The following GYG1 variants were observed in gnomAD, a reference collection of about 807,000 sequenced individuals.
GYG1 encodes the protein glycogenin-1.
GYG1 carries 44 observed loss-of-function variants against 41.9 expected under a neutral mutation model. The observed-to-expected ratio is 1.05, with a 90% CI of 0.83 to 1.35. The LOEUF (loss-of-function observed/expected upper bound fraction) is 1.35, where lower values mean the gene tolerates loss of function less well. Ranked by LOEUF, GYG1 falls within the 40% of genes most tolerant of loss-of-function variation. GYG1 has a pLI of 0.00. For missense variants in GYG1, 429 were observed against 418.9 expected, an observed-to-expected ratio of 1.02 and a Z score of -0.21; for synonymous variants, 141 against 158.1, an observed-to-expected ratio of 0.89 and a Z score of 0.81.
In GYG1 at chr3:149,007,761, C is replaced by T. The variant is rs541219949; in HGVS notation, c.482-1515C>T. Among the ~76,000 whole-genome samples, 9 of 152,274 alleles carry T rather than the reference C, an allele frequency of 5.9e-5. No homozygotes were observed. The East Asian group carries it at 1.7e-3, about 29-fold the overall frequency. On this transcript the variant is annotated intron_variant, in intron 4 of 7. Coordinates refer to ENST00000345003, the MANE Select transcript of GYG1 (RefSeq NM_004130.4). ...GACTATGCAGTATTCCTGCCTGATG[C>T]TTAGAGCAGGTGTCTGCCTGCCTGC... is the stretch of plus-strand genomic sequence containing the variant.
intron 4 of GYG1, among the ~76,000 whole-genome samples, chr3:148,999,415 A>AAT (rs144939008): frequency 6.6e-6 from 1 of 152,350 alleles, no homozygotes; most frequent in East Asian, 1.9e-4. Context: ...ATGTTGTTTA[A>AAT]ATTCAGCAGA....
At chr3:149,009,862 T>C (rs1359304538) in intron 5 of GYG1, among the ~76,000 whole-genome samples, 1 of 152,200 alleles carries the variant, frequency 6.6e-6, no homozygotes, top group Non-Finnish European at 1.5e-5. Context: ...TGTGCTGCTG[T>C]GGCTAAGAAT....
intron 4 of GYG1, among the ~76,000 whole-genome samples, chr3:148,997,455 G>T (rs1053468033): frequency 7.9e-5 from 12 of 152,144 alleles, no homozygotes; most frequent in African/African-American, 2.9e-4. Flanking sequence ...CCAAAAAGTA[G>T]AACATTGGCA....
chr3:149,008,756 T>C (rs1713551690), intron 4 of GYG1: 1 of 170,260 alleles, frequency 5.9e-6, no homozygotes. Flanking sequence ...CCTAGTACAG[T>C]ATCTGGTACA....
At chr3:148,997,382 G>T (rs1559834962) in intron 4 of GYG1, among the ~76,000 whole-genome samples, 1 of 152,086 alleles carries the variant, frequency 6.6e-6, no homozygotes, top group African/African-American at 2.4e-5. Flanking sequence ...GAAAGTTTGT[G>T]TGAATAATCT....
Position 149,017,002 on chromosome 3 carries a change from A to G in GYG1, c.609-7051A>G, listed in dbSNP as rs150847714. ...CACAAGCAGTGCCGTCTTTCTCGGT[A>G]TCTGACTGAACAATGCACGTAAAGA... On this transcript the variant is annotated intron_variant, in intron 5 of 7. Coordinates refer to ENST00000345003, the MANE Select transcript of GYG1 (RefSeq NM_004130.4). 9.8e-5 allele frequency among the ~76,000 whole-genome samples: 15 copies of G among 152,348 alleles called. No individual in the cohort carries two copies. The East Asian group carries it at 2.3e-3, about 23-fold the overall frequency.
At chr3:148,997,036 G>C in intron 4 of GYG1, 132 bp downstream of exon 4, 1 of 722,654 alleles carries the variant, frequency 1.4e-6, no homozygotes, top group Non-Finnish European at 2.4e-6. Flanking sequence ...ATTTTAAGTT[G>C]TGCTCTTCTG....
intron 4 of GYG1, among the ~76,000 whole-genome samples, chr3:149,006,651 G>C (rs1424890099): frequency 1.3e-5 from 2 of 152,138 alleles, no homozygotes; most frequent in Non-Finnish European, 2.9e-5. Context: ...AGTGACATTT[G>C]AGCTGTTTTC....
At chr3:148,999,529 C>G (rs1040497096) in intron 4 of GYG1, among the ~76,000 whole-genome samples, 6 of 152,194 alleles carry the variant, frequency 3.9e-5, no homozygotes, top group Non-Finnish European at 8.8e-5. Flanking sequence ...GAGGCTGCTT[C>G]TCTCTGGAGG....
At chr3:148,991,905 G>C (rs747883926) in intron 1 of GYG1, among the ~76,000 whole-genome samples, 2 of 152,206 alleles carry the variant, frequency 1.3e-5, no homozygotes, top group African/African-American at 2.4e-5. Flanking sequence ...CCGTCTCCTC[G>C]TCCTTCCTCT....
chr3:149,000,730 T>C (rs1204293234), intron 4 of GYG1, among the ~76,000 whole-genome samples: 1 of 152,238 alleles, frequency 6.6e-6, no homozygotes, highest in East Asian at 1.9e-4. Context: ...AAAAACATCT[T>C]ATACTCATTT....
chr3:149,029,097 T>C lies in GYG1; in HGVS notation c.*2164T>C, dbSNP rs537479939. On this transcript the variant is annotated 3_prime_UTR_variant, in exon 8 of 8. Coordinates refer to ENST00000345003, the MANE Select transcript of GYG1 (RefSeq NM_004130.4). Reference sequence around the variant, plus strand: ...AGAATGACAAGCTTACCATAAGACATAGCATATAATGCTGTCAAGTTATTT... The same window carrying C: ...AGAATGACAAGCTTACCATAAGACACAGCATATAATGCTGTCAAGTTATTT... Among the ~76,000 whole-genome samples, 1 of 152,338 alleles carries C rather than the reference T, an allele frequency of 6.6e-6. No homozygotes were observed. The highest frequency in any genetic ancestry group is 2.1e-4 in the South Asian group (1 of 4,832).
In GYG1 at chr3:148,996,376, C is replaced by A. The variant is rs1712788116; in HGVS notation, c.218C>A (p.Thr73Asn). 1 of 1,612,326 alleles carries A rather than the reference C, an allele frequency of 6.2e-7. No homozygotes were observed. ...GACAGTGGCGATTCTGCTCATCTAA[C>A]CTTAATGAAGAGGCCAGAGTTGGGT... is the stretch of plus-strand genomic sequence containing the variant. The part of the protein sequence containing the change: ...VLDSGDSAHL[T>N]LMKRPELGVT... Residue 73 changes from threonine to asparagine, a missense_variant, in exon 3 of 8, where the codon ACC becomes AAC. Thr to Asn is a moderately conservative substitution (Grantham distance 65). Coordinates refer to ENST00000345003, the MANE Select transcript of GYG1 (RefSeq NM_004130.4).
chr3:149,017,982 G>A (rs1714168864), intron 5 of GYG1, among the ~76,000 whole-genome samples: 1 of 152,026 alleles, frequency 6.6e-6, no homozygotes, highest in Non-Finnish European at 1.5e-5. Flanking sequence ...GTGGGAGAGA[G>A]AAAACACTAG....
intron 4 of GYG1, among the ~76,000 whole-genome samples, chr3:149,002,759 A>G (rs1420173180): frequency 6.6e-6 from 1 of 152,194 alleles, no homozygotes; most frequent in Non-Finnish European, 1.5e-5. Context: ...AGTGGCTCAC[A>G]CCTGTAATTC....
chr3:149,010,666 T>C (rs1256481252), intron 5 of GYG1, among the ~76,000 whole-genome samples: 1 of 152,172 alleles, frequency 6.6e-6, no homozygotes, highest in Non-Finnish European at 1.5e-5. Flanking sequence ...TAATACAGCC[T>C]TGCTGCACTG....
chr3:149,024,148 C>T lies in GYG1; in HGVS notation c.704C>T (p.Ala235Val), dbSNP rs1346647822. ...AAAACAAAAAGTGTCAAAAGTGAGG[C>T]CCATGATCCCAACATGACTCATCCA... The part of the protein sequence containing the change: ...DPKTKSVKSE[A>V]HDPNMTHPEF... The change falls in exon 6 of 8, where the codon GCC (alanine) becomes GTC (valine). Residue 235 changes from alanine (A) to valine (V), a missense_variant. Ala to Val is a moderately conservative substitution (Grantham distance 64, BLOSUM62 0). Transcript: ENST00000345003. 1.2e-6 allele frequency: 2 copies of T among 1,613,326 alleles called. No individual in the cohort carries two copies. Among genetic ancestry groups the T allele is most frequent in the Admixed American group, 1.7e-5 (1 of 60,024 alleles).
At chr3:148,995,083 T>G (rs1293937348) in intron 2 of GYG1, among the ~76,000 whole-genome samples, 2 of 152,184 alleles carry the variant, frequency 1.3e-5, no homozygotes, top group African/African-American at 4.8e-5. Flanking sequence ...CGCGTGCCTG[T>G]GATCCCAGCT....
At chr3:149,005,638 G>A (rs1196459965) in intron 4 of GYG1, among the ~76,000 whole-genome samples, 1 of 152,160 alleles carries the variant, frequency 6.6e-6, no homozygotes, top group African/African-American at 2.4e-5. Flanking sequence ...CTATGTGTAA[G>A]GCATTCTGCT....
Sources: allele counts gnomAD v4.1 joint callset (sites outside exome capture counted in the v4.1 genomes callset), GRCh38; gene constraint gnomAD v4.1.1; transcripts MANE v1.5; gene names NCBI Gene and HGNC (gene_info 2026-07-23, HGNC 2026-07-21).